The following FREM1 variants were observed in gnomAD, a reference collection of about 807,000 sequenced individuals.
FREM1 encodes FRAS1 related extracellular matrix 1.
In FREM1, 220 loss-of-function variants were observed where a neutral mutation model predicts 210.1. The ratio of observed to expected loss-of-function variants is 1.05; its 90% CI spans 0.94 to 1.17. The LOEUF (loss-of-function observed/expected upper bound fraction) is 1.17. Among genes scored for constraint, FREM1 ranks in the 50% most tolerant of loss-of-function variants. The pLI, the probability that FREM1 is intolerant of heterozygous loss-of-function variation, is 0.00. For synonymous variants in FREM1, 1,189 were observed against 980.2 expected (o/e 1.21, Z -3.98); for missense variants, 3,454 against 2,675.5 (o/e 1.29, Z -6.42).
At position 14,819,226 on chromosome 9, in the gene FREM1, G is replaced by A; in HGVS notation, c.2546+8C>T. ...CATGTAAATAAAAAAACCATGAAAT[G>A]TTCTAACCTAACTTTTAAGGTATGG... is the stretch of plus-strand genomic sequence containing the variant. On this transcript the variant is annotated splice_region_variant and intron_variant, in intron 14 of 36. Coordinates refer to ENST00000380880, the MANE Select transcript of FREM1 (RefSeq NM_001379081.2). 1.3e-6 allele frequency: 2 copies of A among 1,588,948 alleles called. No homozygotes were observed. The highest frequency in any genetic ancestry group is 1.7e-6 in the Non-Finnish European group (2 of 1,162,144).
chr9:14,759,745 T>C (rs769110871), intron 28 of FREM1, 27 bp downstream of exon 28: 2 of 1,540,180 alleles, frequency 1.3e-6, no homozygotes, highest in Non-Finnish European at 1.8e-6. Flanking sequence ...AGTTTTAGCT[T>C]GATAATTTAC....
chr9:14,797,575 T>C lies in FREM1; in HGVS notation c.3762A>G (p.Ser1254=). 6.2e-7 allele frequency: 1 copy of C among 1,612,538 alleles called. No individual in the cohort carries two copies. Residue 1254 remains serine (S), a synonymous_variant, in exon 21 of 37, where the codon TCA becomes TCG. Coordinates refer to ENST00000380880, the MANE Select transcript of FREM1 (RefSeq NM_001379081.2). ...SLADDFTIQL[S]DGKHKILKTI... ...TTTTAAGTATCTTATGTTTCCCATC[T>C]GACAATTGGATTGTAAAATCATCAG...
intron 24 of FREM1, among the ~76,000 whole-genome samples, chr9:14,782,587 T>C (rs1494355): frequency 0.97 from 148,080 of 152,336 alleles, 72,110 homozygotes; most frequent in Middle Eastern, 1. Flanking sequence ...CACCCAGCCT[T>C]CATAAGCAAA....
chr9:14,863,813 A>T lies in FREM1; in HGVS notation c.325T>A (p.Tyr109Asn), dbSNP rs753593886. 3 of 1,604,300 alleles carry T rather than the reference A, an allele frequency of 1.9e-6. No individual in the cohort carries two copies. Among genetic ancestry groups the T allele is most frequent in the Non-Finnish European group, 2.6e-6 (3 of 1,171,180 alleles). The part of the protein sequence containing the change: ...LDEDTVKLRL[Y>N]RFTERDTFIE... ...CGATGTTCCCGTGCCGCTTACCTGT[A>T]AAGTCTGAGCTTCACTGTGTCTTCA... The change falls in exon 3 of 37, where the codon TAC becomes AAC. Residue 109 changes from tyrosine to asparagine, a missense_variant. Tyr to Asn is a moderately radical substitution (Grantham distance 143). Coordinates refer to ENST00000380880, the MANE Select transcript of FREM1 (RefSeq NM_001379081.2).
intron 14 of FREM1, among the ~76,000 whole-genome samples, chr9:14,818,047 T>TG (rs1820620826): frequency 6.6e-6 from 1 of 152,228 alleles, no homozygotes; most frequent in African/African-American, 2.4e-5. Context: ...TGAATGAACT[T>TG]GGGCAAATTC....
intron 3 of FREM1, among the ~76,000 whole-genome samples, chr9:14,861,064 CATATACATATATACATATATACACAT>C (rs1830244852): frequency 7.3e-5 from 3 of 41,244 alleles, no homozygotes; most frequent in Admixed American, 3.0e-4. Flanking sequence ...CATATATACA[CATATACATATATACATATATACACAT>C]ATATATAAAC....
chr9:14,878,304 A>G (rs1834147110), intron 1 of FREM1, among the ~76,000 whole-genome samples: 1 of 151,708 alleles, frequency 6.6e-6, no homozygotes, highest in African/African-American at 2.4e-5. Flanking sequence ...CTTTTCCTCA[A>G]ACAAATCAAG....
Position 14,801,798 on chromosome 9 carries a change from A to C in FREM1, c.3548T>G (p.Leu1183Arg), listed in dbSNP as rs1162498822. The change falls in exon 20 of 37, where the codon CTG becomes CGG. Residue 1183 changes from leucine (L) to arginine (R), a missense_variant. By Grantham distance (102) the Leu-to-Arg change is moderately radical (BLOSUM62 -2). Coordinates refer to ENST00000380880, the MANE Select transcript of FREM1 (RefSeq NM_001379081.2). ...AVDLDIPQDA[L>R]LFSITQKPRH... The stretch of plus-strand genomic sequence containing the variant: ...TGGCTTTTGAGTGATGCTGAACAGC[A>C]GGGCATCCTGGGGAATGTCCAGGTC... 1 of 1,614,018 alleles carries C rather than the reference A, an allele frequency of 6.2e-7. No individual in the cohort carries two copies. Among genetic ancestry groups the C allele is most frequent in the Non-Finnish European group, 8.5e-7 (1 of 1,179,894 alleles).
rs776754618 is a variant in FREM1 at position 14,823,280 on chromosome 9, G to A, written c.2217C>T (p.Asp739=). 3 of 1,613,954 alleles carry A rather than the reference G, an allele frequency of 1.9e-6. No individual in the cohort carries two copies. The highest frequency in any genetic ancestry group is 1.7e-6 in the Non-Finnish European group (2 of 1,179,838). Reference sequence around the variant, plus strand: ...GGACATCTCTGCAATGGGGACCAATGTCTTGCATGGGGGGCATGTAGGCCA... The same window carrying A: ...GGACATCTCTGCAATGGGGACCAATATCTTGCATGGGGGGCATGTAGGCCA... ...MKVAYMPPMQ[D]IGPHCRDVQF... Residue 739 remains aspartate, a synonymous_variant, in exon 13 of 37, where the codon GAC becomes GAT. Coordinates refer to ENST00000380880, the MANE Select transcript of FREM1 (RefSeq NM_001379081.2).
chr9:14,852,599 C>A (rs554430960), intron 5 of FREM1, among the ~76,000 whole-genome samples: 1 of 152,232 alleles, frequency 6.6e-6, no homozygotes, highest in South Asian at 2.1e-4. Flanking sequence ...GTGGCTGAAG[C>A]AGGAAGATCA....
rs759211734 is a variant in FREM1 at position 14,823,279 on chromosome 9, T to C, written c.2218A>G (p.Ile740Val). 4.8e-5 allele frequency: 78 copies of C among 1,613,862 alleles called. No individual in the cohort carries two copies. Among genetic ancestry groups the C allele is most frequent in the Non-Finnish European group, 6.2e-5 (73 of 1,179,856 alleles). Residue 740 changes from isoleucine (I) to valine (V), a missense_variant, in exon 13 of 37, where the codon ATT becomes GTT. By Grantham distance (29) the Ile-to-Val change is conservative (BLOSUM62 3). Transcript: ENST00000380880. ...TGGACATCTCTGCAATGGGGACCAA[T>C]GTCTTGCATGGGGGGCATGTAGGCC... The part of the protein sequence containing the change: ...KVAYMPPMQD[I>V]GPHCRDVQFT...
intron 1 of FREM1, among the ~76,000 whole-genome samples, chr9:14,878,148 C>T (rs1834117858): frequency 6.6e-6 from 1 of 152,156 alleles, no homozygotes; most frequent in Non-Finnish European, 1.5e-5. Context: ...TCAAAACTTC[C>T]AGTAGTGTCT....
chr9:14,909,737 A>G (rs1160436910), intron 1 of FREM1, among the ~76,000 whole-genome samples, 177 bp downstream of exon 1: 2 of 152,266 alleles, frequency 1.3e-5, no homozygotes, highest in African/African-American at 4.8e-5. Flanking sequence ...GTTTGTTAAC[A>G]CTGCAAGTTG....
At chr9:14,874,136 T>G (rs1293062562) in intron 1 of FREM1, among the ~76,000 whole-genome samples, 1 of 152,206 alleles carries the variant, frequency 6.6e-6, no homozygotes, top group African/African-American at 2.4e-5. Flanking sequence ...GAAAAAAATG[T>G]ATATTCTGTT....
intron 1 of FREM1, among the ~76,000 whole-genome samples, chr9:14,896,136 A>G (rs530695839): frequency 1.3e-5 from 2 of 148,296 alleles, no homozygotes; most frequent in East Asian, 2.5e-4. Flanking sequence ...CAAAATCAAG[A>G]TGGGGATAAA....
At chr9:14,824,241 C>G in intron 11 of FREM1, 126 bp from the exon 12 acceptor site, 1 of 619,826 alleles carries the variant, frequency 1.6e-6, no homozygotes, top group Non-Finnish European at 2.9e-6. Context: ...TCTTTATATT[C>G]TCTCTTTATG....
rs866115618 is a variant in FREM1 at position 14,747,707 on chromosome 9, T to C, written c.5818A>G (p.Arg1940Gly). 1 of 1,543,564 alleles carries C rather than the reference T, an allele frequency of 6.5e-7. No individual in the cohort carries two copies. Among genetic ancestry groups the C allele is most frequent in the South Asian group, 1.2e-5 (1 of 81,882 alleles). ...TTATAGATGATGTCTGTTCCATTTCTATAAACAGAGGATGGACGAACCTGA... is the reference window on the plus strand; with the variant it reads ...TTATAGATGATGTCTGTTCCATTTCCATAAACAGAGGATGGACGAACCTGA... ...GKTVRPSSVY[R>G]NGTDIIYNYH... The change falls in exon 32 of 37, where the codon AGA becomes GGA. Residue 1940 changes from arginine to glycine, a missense_variant. Arg to Gly is a moderately radical substitution (Grantham distance 125). Transcript: ENST00000380880.
Position 14,875,774 on chromosome 9 carries a change from T to C in FREM1, c.-267-6530A>G, listed in dbSNP as rs1588531401. On this transcript the variant is annotated intron_variant, in intron 1 of 36. Coordinates refer to ENST00000380880, the MANE Select transcript of FREM1 (RefSeq NM_001379081.2). ...CTCTGCTTTTTAGAGTTTCCAGTTT[T>C]TCTGCTCTGTTTTTTCCCCATCTTT... Among the ~76,000 whole-genome samples the C allele has an allele frequency of 2.6e-5, 4 of 152,114 alleles. No homozygotes were observed. The East Asian group carries it at 7.7e-4, about 29-fold the overall frequency.
At chr9:14,898,203 G>A (rs1838092169) in intron 1 of FREM1, among the ~76,000 whole-genome samples, 1 of 152,102 alleles carries the variant, frequency 6.6e-6, no homozygotes, top group South Asian at 2.1e-4. Context: ...CTTGGGCTCT[G>A]TTTCCTCATC....
Sources: gnomAD v4.1 joint callset for allele counts (sites outside exome capture counted in the v4.1 genomes callset) on GRCh38, gnomAD v4.1.1 for gene constraint, MANE v1.5 for transcripts, NCBI Gene and HGNC (gene_info 2026-07-23, HGNC 2026-07-21) for gene names.